The following POLA1 variants were observed in gnomAD, a reference collection of about 807,000 sequenced individuals.
The protein encoded by POLA1 is DNA polymerase alpha 1, catalytic subunit.
POLA1 carries 15 observed loss-of-function variants against 124.0 expected under a neutral mutation model. That is an observed-to-expected ratio of 0.12 (90% CI 0.08 to 0.19). The LOEUF is 0.19. Ranked by LOEUF, POLA1 falls within the 10% of genes least tolerant of loss-of-function variation. POLA1 has a pLI of 1.00. For synonymous variants in POLA1, 408 were observed against 389.4 expected, an observed-to-expected ratio of 1.05 and a Z score of -0.56; for missense variants, 886 against 1,103.4, an observed-to-expected ratio of 0.80 and a Z score of 2.79.
intron 34 of POLA1, among the ~76,000 whole-genome samples, chrX:24,862,394 CA>C (rs1164124910): frequency 4.5e-5 from 5 of 111,400 alleles, no homozygotes; most frequent in Non-Finnish European, 9.4e-5. Context: ...CAAACCTATC[CA>C]AAAAAAGTTG....
Position 24,694,424 on chromosome X carries a change from A to G in POLA1, c.43+420A>G, listed in dbSNP as rs138797288. 9.2e-4 allele frequency among the ~76,000 whole-genome samples: 104 copies of G among 112,759 alleles called. No homozygotes were observed. The East Asian group carries it at 0.026, about 28-fold the overall frequency. On this transcript the variant is annotated intron_variant, in intron 1 of 36. Transcript: ENST00000379068. ...GTAGGAACTTCCAGGAAAATTTTAT[A>G]CATTGTAACTAAGCAGGAAAGAAAG...
At chrX:24,981,144 G>T (rs1401275071) in intron 36 of POLA1, among the ~76,000 whole-genome samples, 2 of 112,236 alleles carry the variant, frequency 1.8e-5, no homozygotes, top group African/African-American at 6.5e-5. Flanking sequence ...ATTGGTTTGT[G>T]TCCAAACCAA....
chrX:24,849,782 T>C (rs1222461451), intron 34 of POLA1, among the ~76,000 whole-genome samples: 2 of 110,662 alleles, frequency 1.8e-5, no homozygotes, highest in Admixed American at 1.9e-4. Context: ...AGGCACCTGC[T>C]ACCAAGCCTG....
intron 35 of POLA1, among the ~76,000 whole-genome samples, chrX:24,926,409 G>C (rs2047692134): frequency 9.0e-6 from 1 of 111,245 alleles, no homozygotes; most frequent in Admixed American, 9.5e-5. Flanking sequence ...TGTTCATTTT[G>C]TGCATCAAGC....
chrX:24,804,419 A>G (rs1024694416), intron 26 of POLA1, among the ~76,000 whole-genome samples: 1 of 111,536 alleles, frequency 9.0e-6, no homozygotes, highest in Non-Finnish European at 1.9e-5. Context: ...CTTCAAAACC[A>G]TTTATATTTT....
At chrX:24,742,158 A>T (rs751941559) in intron 22 of POLA1, 37 bp downstream of exon 22, 3 of 637,371 alleles carry the variant, frequency 4.7e-6, no homozygotes, top group African/African-American at 2.8e-5. Context: ...GTTTTCTCTT[A>T]ACCCCCCCCC....
intron 35 of POLA1, among the ~76,000 whole-genome samples, chrX:24,909,480 T>C (rs1042838240): frequency 9.0e-6 from 1 of 111,670 alleles, no homozygotes; most frequent in Non-Finnish European, 1.9e-5. Context: ...CAGCACCATT[T>C]ATTAAATAGG....
chrX:24,954,165 T>C (rs935479407), intron 36 of POLA1, among the ~76,000 whole-genome samples: 6 of 112,905 alleles, frequency 5.3e-5, no homozygotes, highest in Non-Finnish European at 1.1e-4. Context: ...AATATGTCAC[T>C]GGCTTTTAAA....
At chrX:24,820,415 C>G (rs1043657150) in intron 30 of POLA1, among the ~76,000 whole-genome samples, 1 of 111,808 alleles carries the variant, frequency 8.9e-6, no homozygotes, top group Non-Finnish European at 1.9e-5. Flanking sequence ...TTTCTCTTGT[C>G]TTTTGAAACC....
Position 24,757,436 on chromosome X carries a change from C to CTTTTT in POLA1, c.2964+8461_2964+8465dup, listed in dbSNP as rs66782103. Among the ~76,000 whole-genome samples, 16 of 62,137 alleles carry CTTTTT rather than the reference C, an allele frequency of 2.6e-4. 1 individual carries two copies. The highest frequency in any genetic ancestry group is 1.2e-3 in the African/African-American group (15 of 12,199). 54.0% of individuals were successfully genotyped at this position (62,137 alleles called of 115,157 possible). On this transcript the variant is annotated intron_variant, in intron 26 of 36. Coordinates refer to ENST00000379068, the MANE Select transcript of POLA1 (RefSeq NM_001330360.2). The stretch of plus-strand genomic sequence containing the variant: ...ATCTGAAATGCTCCAAAATCTGAAA[C>CTTTTT]TTTTTTTTTTTTTTTTTTTTTGAGA...
chrX:24,759,534 T>A (rs1000021655), intron 26 of POLA1, among the ~76,000 whole-genome samples: 18 of 112,219 alleles, frequency 1.6e-4, no homozygotes, highest in African/African-American at 4.2e-4. Context: ...AAAGAAGGTC[T>A]TGATATTTAA....
At chrX:24,884,409 A>G (rs2047040447) in intron 34 of POLA1, among the ~76,000 whole-genome samples, 1 of 112,046 alleles carries the variant, frequency 8.9e-6, no homozygotes, top group South Asian at 3.7e-4. Flanking sequence ...TCGGCCTCCC[A>G]AAGTGCTGGG....
chrX:24,794,908 C>A (rs2045578521), intron 26 of POLA1, among the ~76,000 whole-genome samples: 1 of 109,903 alleles, frequency 9.1e-6, no homozygotes, highest in Non-Finnish European at 1.9e-5. Context: ...GAAATATCGT[C>A]AAAAGCAGTT....
intron 4 of POLA1, among the ~76,000 whole-genome samples, chrX:24,713,695 G>A (rs1278242996): frequency 8.9e-6 from 1 of 112,472 alleles, no homozygotes; most frequent in Non-Finnish European, 1.9e-5. Flanking sequence ...GATTACAGGC[G>A]TGAGCCACCG....
At chrX:24,923,414 C>A (rs2047646042) in intron 35 of POLA1, among the ~76,000 whole-genome samples, 1 of 110,755 alleles carries the variant, frequency 9.0e-6, no homozygotes, top group Non-Finnish European at 1.9e-5. Context: ...GAGTGAAATG[C>A]CTCTTAAAGC....
At chrX:24,730,174 T>C (rs1930810091) in intron 15 of POLA1, among the ~76,000 whole-genome samples, 1 of 112,196 alleles carries the variant, frequency 8.9e-6, no homozygotes, top group Admixed American at 9.5e-5. Context: ...AATTAGTAGT[T>C]AAAATTTTAA....
intron 32 of POLA1, among the ~76,000 whole-genome samples, chrX:24,829,742 G>A (rs764369229): frequency 1.8e-5 from 2 of 112,280 alleles, no homozygotes; most frequent in South Asian, 7.5e-4. Flanking sequence ...GTGTATTTAG[G>A]AGGAGGGAGG....
intron 35 of POLA1, among the ~76,000 whole-genome samples, chrX:24,897,631 C>T (rs1389620425): frequency 8.0e-5 from 9 of 112,048 alleles, no homozygotes; most frequent in Non-Finnish European, 1.1e-4. Flanking sequence ...CCCCAGAGAC[C>T]ACATCTTCTT....
At chrX:24,962,115 C>G (rs1326017328) in intron 36 of POLA1, among the ~76,000 whole-genome samples, 1 of 111,152 alleles carries the variant, frequency 9.0e-6, no homozygotes, top group East Asian at 2.8e-4. Flanking sequence ...TTAATCTTAA[C>G]TGTGAAATGG....
Sources: allele counts gnomAD v4.1 joint callset (sites outside exome capture counted in the v4.1 genomes callset), GRCh38; gene constraint gnomAD v4.1.1; transcripts MANE v1.5; gene names NCBI Gene and HGNC (gene_info 2026-07-23, HGNC 2026-07-21).